Variants in ST18 observed in about 807,000 individuals in gnomAD.
The protein encoded by ST18 is ST18 C2H2C-type zinc finger transcription factor.
In ST18, 50 loss-of-function variants were observed where a neutral mutation model predicts 110.0. The observed-to-expected ratio is 0.45, with a 90% CI of 0.36 to 0.58. ST18 has a LOEUF of 0.58. Among genes scored for constraint, ST18 ranks in the 20% least tolerant of loss-of-function variants. The probability of loss-of-function intolerance (pLI) is 0.00; values close to 1 mark genes in which losing one functional copy is unlikely to be tolerated. For synonymous variants in ST18, 461 were observed against 452.4 expected, an observed-to-expected ratio of 1.02 and a Z score of -0.24; for missense variants, 1,306 against 1,280.1, an observed-to-expected ratio of 1.02 and a Z score of -0.31.
intron 8 of ST18, among the ~76,000 whole-genome samples, chr8:52,208,962 A>T (rs1471962323): frequency 1.3e-5 from 2 of 152,242 alleles, no homozygotes; most frequent in African/African-American, 2.4e-5. Flanking sequence ...GTCTCATTAA[A>T]TAAAAATAGG....
intron 2 of ST18, among the ~76,000 whole-genome samples, chr8:52,251,148 G>C (rs975785862): frequency 6.6e-6 from 1 of 152,074 alleles, no homozygotes; most frequent in South Asian, 2.1e-4. Flanking sequence ...ACGGAGATTG[G>C]AGCAACTAGT....
chr8:52,353,833 C>T (rs956675697), intron 2 of ST18, among the ~76,000 whole-genome samples: 3 of 152,344 alleles, frequency 2.0e-5, no homozygotes, highest in Admixed American at 1.3e-4. Flanking sequence ...CTCTGCTGTA[C>T]TTAAGACTCC....
Position 52,180,159 on chromosome 8 carries a change from G to T in ST18, c.240C>A (p.Asp80Glu), listed in dbSNP as rs144397271. The change falls in exon 9 of 26, where the codon GAC becomes GAA. Residue 80 changes from aspartate to glutamate, a missense_variant. By Grantham distance (45) the Asp-to-Glu change is conservative. Coordinates refer to ENST00000689386, the MANE Select transcript of ST18 (RefSeq NM_001352837.2). The stretch of plus-strand genomic sequence containing the variant: ...GACCATGTGTTTCCAAGGGGCCATC[G>T]TCCTCTGTCCTGTCACTGCGGTCTT... ...CQEDRSDRTEDDGPLETHGHS... is the reference protein window; with the variant it reads ...CQEDRSDRTEEDGPLETHGHS... 1 of 1,614,102 alleles carries T rather than the reference G, an allele frequency of 6.2e-7. No homozygotes were observed. Among genetic ancestry groups the T allele is most frequent in the East Asian group, 2.2e-5 (1 of 44,874 alleles).
intron 2 of ST18, among the ~76,000 whole-genome samples, chr8:52,231,433 T>C (rs1339139819): frequency 6.6e-6 from 1 of 152,040 alleles, no homozygotes; most frequent in Non-Finnish European, 1.5e-5. Flanking sequence ...AATCTTAATA[T>C]GTTGTAACAG....
chr8:52,137,169 G>A (rs777452600), intron 18 of ST18, among the ~76,000 whole-genome samples: 2 of 152,146 alleles, frequency 1.3e-5, no homozygotes, highest in Non-Finnish European at 2.9e-5. Context: ...GAGTCCTCAA[G>A]CCACACAGAA....
chr8:52,142,685 A>G (rs1339321840), intron 17 of ST18, among the ~76,000 whole-genome samples: 1 of 152,222 alleles, frequency 6.6e-6, no homozygotes, highest in Non-Finnish European at 1.5e-5. Context: ...AATGGTTATC[A>G]GTTTAAGAAG....
At chr8:52,170,919 T>C (rs939388632) in intron 10 of ST18, among the ~76,000 whole-genome samples, 1 of 152,214 alleles carries the variant, frequency 6.6e-6, no homozygotes, top group Non-Finnish European at 1.5e-5. Flanking sequence ...CACTAACATG[T>C]TATTCTTGTA....
intron 2 of ST18, among the ~76,000 whole-genome samples, chr8:52,361,544 G>T (rs982312784): frequency 6.6e-6 from 1 of 152,162 alleles, no homozygotes; most frequent in African/African-American, 2.4e-5. Flanking sequence ...TAAATGGGAT[G>T]ACATTTAAAT....
chr8:52,282,174 T>C (rs750703093), intron 2 of ST18, among the ~76,000 whole-genome samples: 7 of 152,026 alleles, frequency 4.6e-5, no homozygotes, highest in Non-Finnish European at 1.0e-4. Context: ...CAATTCACTT[T>C]ATGAAGTAAA....
chr8:52,286,241 G>A (rs560212260), intron 2 of ST18, among the ~76,000 whole-genome samples: 126 of 152,322 alleles, frequency 8.3e-4, no homozygotes, highest in Non-Finnish European at 1.6e-3. Flanking sequence ...AAAAATGGAA[G>A]AGTGTGAGCT....
At chr8:52,124,231 G>A (rs1015951443) in intron 23 of ST18, among the ~76,000 whole-genome samples, 15 of 151,606 alleles carry the variant, frequency 9.9e-5, no homozygotes, top group Admixed American at 5.9e-4. Flanking sequence ...GCTGGAGTGC[G>A]GTGGTGCTTT....
At chr8:52,209,172 G>T (rs1201507029) in intron 8 of ST18, among the ~76,000 whole-genome samples, 2 of 152,220 alleles carry the variant, frequency 1.3e-5, no homozygotes, top group Middle Eastern at 3.4e-3. Flanking sequence ...AACCATAAGG[G>T]TTAAAAATAT....
chr8:52,298,512 T>C (rs528576822), intron 2 of ST18, among the ~76,000 whole-genome samples: 11 of 152,336 alleles, frequency 7.2e-5, no homozygotes, highest in African/African-American at 2.6e-4. Context: ...ATATTAACAA[T>C]TGATAAATTA....
intron 9 of ST18, among the ~76,000 whole-genome samples, chr8:52,173,178 G>A (rs2065620572): frequency 6.6e-6 from 1 of 152,120 alleles, no homozygotes; most frequent in Admixed American, 6.5e-5. Context: ...AAGACTTCCT[G>A]TTTACCTTTG....
intron 8 of ST18, among the ~76,000 whole-genome samples, chr8:52,208,043 T>C (rs1380514355): frequency 6.6e-6 from 1 of 152,174 alleles, no homozygotes; most frequent in Non-Finnish European, 1.5e-5. Context: ...TAATAAGAAA[T>C]ATGATTAAAG....
At chr8:52,168,503 G>A (rs1406688602) in intron 10 of ST18, among the ~76,000 whole-genome samples, 1 of 152,032 alleles carries the variant, frequency 6.6e-6, no homozygotes, top group African/African-American at 2.4e-5. Context: ...GGGCACAGCA[G>A]GTTGTATGTA....
chr8:52,305,744 A>G (rs1205676506), intron 2 of ST18, among the ~76,000 whole-genome samples: 2 of 152,116 alleles, frequency 1.3e-5, no homozygotes, highest in Non-Finnish European at 2.9e-5. Context: ...CAATATCTCC[A>G]GATAAGACCA....
rs761354328 is a variant in ST18, at chr8:52,180,282, C to T, written c.117G>A (p.Lys39=). The stretch of plus-strand genomic sequence containing the variant: ...CCAAAGCCTGATCTTCAGCTGTTCT[C>T]TTCTTTGCCATGGAGCAATCATAGG... ...SVAYDCSMAK[K]RTAEDQALGV... is the part of the protein sequence containing the mutation. Residue 39 remains lysine, a synonymous_variant, in exon 9 of 26, where the codon AAG becomes AAA. Coordinates refer to ENST00000689386, the MANE Select transcript of ST18 (RefSeq NM_001352837.2). 6.2e-7 allele frequency: 1 copy of T among 1,614,188 alleles called. No homozygotes were observed. The highest frequency in any genetic ancestry group is 1.1e-5 in the South Asian group (1 of 91,080).
chr8:52,270,233 A>G (rs1041933002), intron 2 of ST18, among the ~76,000 whole-genome samples: 1 of 152,216 alleles, frequency 6.6e-6, no homozygotes, highest in African/African-American at 2.4e-5. Context: ...TCATAGCATA[A>G]GAGTTAAATC....
Sources: allele counts gnomAD v4.1 joint callset (sites outside exome capture counted in the v4.1 genomes callset), GRCh38; gene constraint gnomAD v4.1.1; transcripts MANE v1.5; gene names NCBI Gene and HGNC (gene_info 2026-07-23, HGNC 2026-07-21).